The following ATP2B3 variants were observed in gnomAD, a reference collection of about 807,000 sequenced individuals.
ATP2B3 encodes ATPase plasma membrane Ca2+ transporting 3, also known as plasma membrane calcium-transporting ATPase 3.
Under a neutral mutation model 70.8 loss-of-function variants are expected in ATP2B3, and 12 were observed. That is an observed-to-expected ratio of 0.17 (90% confidence interval 0.11 to 0.27). ATP2B3 has a LOEUF of 0.27. ATP2B3 is among the 10% of genes least tolerant of loss of function. ATP2B3 has a pLI of 1.00. For missense variants in ATP2B3, 858 were observed against 1,118.5 expected (o/e 0.77, Z 3.32); for synonymous variants, 460 against 497.8 (o/e 0.92, Z 1.01).
intron 12 of ATP2B3, among the ~76,000 whole-genome samples, chrX:153,552,675 G>A (rs782647977): frequency 8.0e-5 from 9 of 112,532 alleles, no homozygotes; most frequent in Admixed American, 5.6e-4. Context: ...GTGCATGAGC[G>A]TCCTGGTGCC....
intron 2 of ATP2B3, among the ~76,000 whole-genome samples, chrX:153,527,775 G>C (rs2090056869): frequency 8.9e-6 from 1 of 112,768 alleles, no homozygotes; most frequent in South Asian, 3.6e-4. Context: ...GGTCGAGCTT[G>C]GTCCTGACCT....
intron 12 of ATP2B3, among the ~76,000 whole-genome samples, chrX:153,552,195 T>C (rs1268837294): frequency 8.9e-6 from 1 of 112,477 alleles, no homozygotes; most frequent in East Asian, 2.8e-4. Flanking sequence ...CAGCCCAGCT[T>C]CACTCCCCCT....
chrX:153,576,627 G>C (rs1437913283), intron 21 of ATP2B3, among the ~76,000 whole-genome samples: 1 of 112,104 alleles, frequency 8.9e-6, no homozygotes, highest in Non-Finnish European at 1.9e-5. Context: ...CAGTATTTAC[G>C]GTGGCCTGAT....
chrX:153,562,576 C>T (rs1557016761), intron 20 of ATP2B3, among the ~76,000 whole-genome samples: 1 of 111,929 alleles, frequency 8.9e-6, no homozygotes, highest in Non-Finnish European at 1.9e-5. Flanking sequence ...GCACCCTGAT[C>T]AATAATCCAT....
intron 2 of ATP2B3, among the ~76,000 whole-genome samples, chrX:153,527,747 G>A (rs1422773801): frequency 8.9e-6 from 1 of 112,682 alleles, no homozygotes; most frequent in East Asian, 2.8e-4. Context: ...CGGCCGAACG[G>A]AATGTTCTGA....
chrX:153,571,262 C>T (rs1557019888), intron 21 of ATP2B3, among the ~76,000 whole-genome samples: 1 of 112,580 alleles, frequency 8.9e-6, no homozygotes. Context: ...AGAAATGGTT[C>T]GTGGCCTCCC....
intron 20 of ATP2B3, among the ~76,000 whole-genome samples, 167 bp from the exon 21 acceptor site, chrX:153,564,754 C>T (rs1182111945): frequency 8.8e-6 from 1 of 113,464 alleles, no homozygotes; most frequent in Non-Finnish European, 1.9e-5. Context: ...CCAAGGGCTG[C>T]CAGTTCCCGG....
chrX:153,578,148 GT>G (rs1166179801), intron 21 of ATP2B3, among the ~76,000 whole-genome samples: 1 of 112,639 alleles, frequency 8.9e-6, no homozygotes, highest in African/African-American at 3.2e-5. Context: ...ACTTAAACCA[GT>G]AAAATTTTAT....
At chrX:153,567,701 G>T (rs2090729795) in intron 21 of ATP2B3, among the ~76,000 whole-genome samples, 1 of 111,638 alleles carries the variant, frequency 9.0e-6, no homozygotes, top group South Asian at 3.8e-4. Context: ...CCAATTGTCG[G>T]TGCTCACAGA....
In ATP2B3 at chrX:153,553,279, AC is replaced by A. The variant is rs1557012383; in HGVS notation, c.2058+12del. On this transcript the variant is annotated intron_variant, in intron 13 of 21. Coordinates refer to ENST00000263519, the MANE Select transcript of ATP2B3 (RefSeq NM_001001344.3). Reference sequence around the variant, plus strand: ...CCCTGTGCGGCCCGAGGTAGCCACCACCTTCTCTGTGAGCTGCCCTGGTAAC... The same window carrying A: ...CCCTGTGCGGCCCGAGGTAGCCACCACTTCTCTGTGAGCTGCCCTGGTAAC... 1 of 1,188,591 alleles carries A rather than the reference AC, an allele frequency of 8.4e-7. No individual in the cohort carries two copies. Among genetic ancestry groups the A allele is most frequent in the Non-Finnish European group, 1.1e-6 (1 of 878,373 alleles).
chrX:153,562,101 C>T, intron 19 of ATP2B3, 34 bp from the exon 20 acceptor site: 1 of 1,180,019 alleles, frequency 8.5e-7, no homozygotes. Flanking sequence ...GGAGCCGCGG[C>T]TGGACCTGCC....
intron 8 of ATP2B3, among the ~76,000 whole-genome samples, chrX:153,546,620 G>A (rs1169919536): frequency 8.8e-6 from 1 of 113,493 alleles, no homozygotes; most frequent in Non-Finnish European, 1.9e-5. Flanking sequence ...ACACCCTGGG[G>A]CCAGCATGAG....
chrX:153,557,167 C>T (rs781942501), intron 16 of ATP2B3, 144 bp downstream of exon 16: 514 of 580,455 alleles, frequency 8.9e-4, no homozygotes, highest in Middle Eastern at 2.1e-3. Context: ...CACATCCTGG[C>T]CACTTGGGCC....
intron 21 of ATP2B3, among the ~76,000 whole-genome samples, chrX:153,567,312 C>T (rs2090722077): frequency 8.8e-6 from 1 of 113,436 alleles, no homozygotes; most frequent in African/African-American, 3.2e-5. Flanking sequence ...ATTCACATCT[C>T]CCCCAGTGCC....
rs781989941 is a variant in ATP2B3 at position 153,543,177 on chromosome X, G to A, written c.916+9G>A. On this transcript the variant is annotated intron_variant, in intron 7 of 21. Coordinates refer to ENST00000263519, the MANE Select transcript of ATP2B3 (RefSeq NM_001001344.3). Reference sequence around the variant, plus strand: ...GAAGAAAGATAAGAAAGGTAGCGCAGCAGTGCCGCCAGTCCCTGGTGCTGG... The same window carrying A: ...GAAGAAAGATAAGAAAGGTAGCGCAACAGTGCCGCCAGTCCCTGGTGCTGG... The A allele has an allele frequency of 2.5e-6, 3 of 1,204,058 alleles. No homozygotes were observed. Among genetic ancestry groups the A allele is most frequent in the Non-Finnish European group, 3.4e-6 (3 of 891,649 alleles).
Position 153,581,708 on chromosome X carries a change from C to T in ATP2B3, c.*1410C>T, listed in dbSNP as rs1557023175. On this transcript the variant is annotated 3_prime_UTR_variant, in exon 22 of 22. Transcript: ENST00000263519. ...CAAATGCCGAGGAGTCCTCGGTAGA[C>T]CACCTTGATGTCTGCTGTGACATCA... 8.9e-6 allele frequency: 1 copy of T among 112,917 alleles called. No individual in the cohort carries two copies. Among genetic ancestry groups the T allele is most frequent in the Non-Finnish European group, 1.9e-5 (1 of 53,325 alleles). 9.3% of individuals were successfully genotyped at this position (112,917 alleles called of 1,213,427 possible).
intron 12 of ATP2B3, among the ~76,000 whole-genome samples, chrX:153,552,430 G>A (rs1381072375): frequency 2.7e-5 from 3 of 112,023 alleles, no homozygotes; most frequent in African/African-American, 9.7e-5. Context: ...TGTGACCCTC[G>A]GCTCCTTTGC....
intron 21 of ATP2B3, among the ~76,000 whole-genome samples, chrX:153,570,573 C>T (rs1282266082): frequency 1.2e-4 from 13 of 112,496 alleles, no homozygotes; most frequent in Non-Finnish European, 9.4e-5. Context: ...CCGCTGACCC[C>T]ACTACCCTGA....
intron 8 of ATP2B3, among the ~76,000 whole-genome samples, chrX:153,546,993 G>A (rs1312333501): frequency 8.9e-6 from 1 of 112,433 alleles, no homozygotes; most frequent in Non-Finnish European, 1.9e-5. Flanking sequence ...GCTGGCAAGT[G>A]AGGAGGAGCA....
Sources: gnomAD v4.1 joint callset for allele counts (sites outside exome capture counted in the v4.1 genomes callset) on GRCh38, gnomAD v4.1.1 for gene constraint, MANE v1.5 for transcripts, NCBI Gene and HGNC (gene_info 2026-07-23, HGNC 2026-07-21) for gene names.